MRPL42: variants seen among roughly 807,000 people sequenced by gnomAD.
The protein encoded by MRPL42 is mitochondrial ribosomal protein L42, also known as large ribosomal subunit protein mL42.
Under a neutral mutation model 17.9 loss-of-function variants are expected in MRPL42, and 17 were observed. That is an observed-to-expected ratio of 0.95 (90% CI 0.65 to 1.42). The LOEUF (loss-of-function observed/expected upper bound fraction) is 1.42, where lower values mean the gene tolerates loss of function less well. MRPL42 is among the 40% of genes most tolerant of loss of function. The pLI is 0.00. For synonymous variants in MRPL42, 59 were observed against 54.4 expected (o/e 1.08, Z -0.37); for missense variants, 177 against 175.2 (o/e 1.01, Z -0.06).
At chr12:93,475,028 G>A (rs1243081343) in intron 2 of MRPL42, among the ~76,000 whole-genome samples, 2 of 152,154 alleles carry the variant, frequency 1.3e-5, no homozygotes, top group Non-Finnish European at 2.9e-5. Context: ...GGGAGGCGGA[G>A]GTTGCAATGA....
In MRPL42 at chr12:93,508,671, G is replaced by A. The variant is rs1386884626; in HGVS notation, c.*7450G>A. The A allele has an allele frequency of 1.3e-5, 2 of 151,998 alleles. No individual in the cohort carries two copies. The highest frequency in any genetic ancestry group is 6.6e-5 in the Admixed American group (1 of 15,246). 9.4% of individuals were successfully genotyped at this position (151,998 alleles called of 1,614,324 possible). A position where few individuals can be genotyped will look rare whatever the true frequency, so the allele number is the denominator to read the frequency against. On this transcript the variant is annotated 3_prime_UTR_variant, in exon 6 of 6. Transcript: ENST00000549982. Reference sequence around the variant, plus strand: ...CATGTCTCCACAGGACAATGCACATGGTATGTTTGTCAGAACCCAGTTGGA... The same window carrying A: ...CATGTCTCCACAGGACAATGCACATAGTATGTTTGTCAGAACCCAGTTGGA...
rs957641700 is a variant in MRPL42, at chr12:93,510,469, C to T, written c.*9248C>T. The T allele has an allele frequency of 6.6e-6, 1 of 152,186 alleles. No individual in the cohort carries two copies. Among genetic ancestry groups the T allele is most frequent in the East Asian group, 1.9e-4 (1 of 5,200 alleles). 9.4% of individuals were successfully genotyped at this position (152,186 alleles called of 1,614,324 possible). A position where few individuals can be genotyped will look rare whatever the true frequency, so the allele number is the denominator to read the frequency against. Reference sequence around the variant, plus strand: ...TCCTTTGGGTAAATACCAAAGAGCACAATTGTTGGATTGAATGCTAAGAGA... The same window carrying T: ...TCCTTTGGGTAAATACCAAAGAGCATAATTGTTGGATTGAATGCTAAGAGA... On this transcript the variant is annotated 3_prime_UTR_variant, in exon 6 of 6. Coordinates refer to ENST00000549982, the MANE Select transcript of MRPL42 (RefSeq NM_014050.4).
chr12:93,508,468 G>A lies in MRPL42; in HGVS notation c.*7247G>A, dbSNP rs1953693922. The A allele has an allele frequency of 6.6e-6, 1 of 152,284 alleles. No homozygotes were observed. Among genetic ancestry groups the A allele is most frequent in the South Asian group, 2.1e-4 (1 of 4,834 alleles). 9.4% of individuals were successfully genotyped at this position (152,284 alleles called of 1,614,324 possible). A position where few individuals can be genotyped will look rare whatever the true frequency, so the allele number is the denominator to read the frequency against. On this transcript the variant is annotated 3_prime_UTR_variant, in exon 6 of 6. Coordinates refer to ENST00000549982, the MANE Select transcript of MRPL42 (RefSeq NM_014050.4). ...AAAGTGCAAGATTGGAAGCTTCGAG[G>A]CTTCTTGAGGCCTAGTCTCAGAACT...
chr12:93,511,752 G>T lies in MRPL42; in HGVS notation c.*10531G>T, dbSNP rs190874710. Reference sequence around the variant, plus strand: ...ACAGCTAACTCTAAACAACAGTAAAGTGTGGAATAAATTACTTTGTTAATT... The same window carrying T: ...ACAGCTAACTCTAAACAACAGTAAATTGTGGAATAAATTACTTTGTTAATT... On this transcript the variant is annotated 3_prime_UTR_variant, in exon 6 of 6. Coordinates refer to ENST00000549982, the MANE Select transcript of MRPL42 (RefSeq NM_014050.4). 6.6e-6 allele frequency: 1 copy of T among 152,198 alleles called. No homozygotes were observed. Among genetic ancestry groups the T allele is most frequent in the African/African-American group, 2.4e-5 (1 of 41,454 alleles). The allele number at this position is 152,198 out of a possible 1,614,324, so 9.4% of individuals were successfully genotyped here.
At chr12:93,473,519 C>T (rs140361948) in intron 2 of MRPL42, among the ~76,000 whole-genome samples, 1,589 of 152,256 alleles carry the variant, frequency 0.01, 43 homozygotes, top group East Asian at 0.096. Flanking sequence ...GCAACCTCCG[C>T]CTCCCAGATT....
At chr12:93,483,350 T>G (rs908133735) in intron 4 of MRPL42, among the ~76,000 whole-genome samples, 1 of 152,220 alleles carries the variant, frequency 6.6e-6, no homozygotes, top group African/African-American at 2.4e-5. Flanking sequence ...CATTGTTACG[T>G]GAACATCATA....
At chr12:93,468,196 C>A (rs1879733393) in intron 1 of MRPL42, among the ~76,000 whole-genome samples, 1 of 152,160 alleles carries the variant, frequency 6.6e-6, no homozygotes, top group Non-Finnish European at 1.5e-5. Flanking sequence ...AAAAGCACAC[C>A]TATGAGCTCA....
chr12:93,515,199 T>C lies in MRPL42; in HGVS notation c.*13978T>C, dbSNP rs1342406711. Reference sequence around the variant, plus strand: ...CTTCACTCTGGCTACAGGGAGACCATGGAGGATGGGCTGGAACGGAAGCAC... The same window carrying C: ...CTTCACTCTGGCTACAGGGAGACCACGGAGGATGGGCTGGAACGGAAGCAC... On this transcript the variant is annotated 3_prime_UTR_variant, in exon 6 of 6. Coordinates refer to ENST00000549982, the MANE Select transcript of MRPL42 (RefSeq NM_014050.4). 2.6e-5 allele frequency: 4 copies of C among 152,062 alleles called. No homozygotes were observed. The highest frequency in any genetic ancestry group is 5.9e-5 in the Non-Finnish European group (4 of 68,016). The allele number at this position is 152,062 out of a possible 1,614,324, so 9.4% of individuals were successfully genotyped here. A position where few individuals can be genotyped will look rare whatever the true frequency, so the allele number is the denominator to read the frequency against.
rs1953739410 is a variant in MRPL42 at position 93,513,083 on chromosome 12, G to A, written c.*11862G>A. ...ATATTTTTTAAAAACCATGGAAACAGTTTAGATATACATCAATCCATGAAA... is the reference window on the plus strand; with the variant it reads ...ATATTTTTTAAAAACCATGGAAACAATTTAGATATACATCAATCCATGAAA... On this transcript the variant is annotated 3_prime_UTR_variant, in exon 6 of 6. Transcript: ENST00000549982. The A allele has an allele frequency of 6.6e-6, 1 of 150,408 alleles. No homozygotes were observed. The highest frequency in any genetic ancestry group is 1.5e-5 in the Non-Finnish European group (1 of 67,760). 9.3% of individuals were successfully genotyped at this position (150,408 alleles called of 1,614,324 possible). A position where few individuals can be genotyped will look rare whatever the true frequency, so the allele number is the denominator to read the frequency against.
intron 2 of MRPL42, among the ~76,000 whole-genome samples, chr12:93,471,201 G>A (rs1191004388): frequency 6.6e-6 from 1 of 151,978 alleles, no homozygotes; most frequent in African/African-American, 2.4e-5. Context: ...ACTGGATCTT[G>A]CTCCCAGGCT....
chr12:93,496,287 G>A (rs149606654), intron 5 of MRPL42, among the ~76,000 whole-genome samples: 7,165 of 152,028 alleles, frequency 0.047, 234 homozygotes, highest in South Asian at 0.14. Flanking sequence ...TTGAACTCCT[G>A]ACCTCAAGCG....
rs1953593848 is a variant in MRPL42 at position 93,501,450 on chromosome 12, C to T, written c.*229C>T. On this transcript the variant is annotated 3_prime_UTR_variant, in exon 6 of 6. Coordinates refer to ENST00000549982, the MANE Select transcript of MRPL42 (RefSeq NM_014050.4). ...TTAGTGTTTCATTTATGTGCGGTCT[C>T]CAATTTAGGACTTTTCCATAGTGCC... The T allele has an allele frequency of 3.3e-6, 1 of 304,602 alleles. No individual in the cohort carries two copies. The highest frequency in any genetic ancestry group is 5.9e-6 in the Non-Finnish European group (1 of 168,312). The allele number at this position is 304,602 out of a possible 1,614,324, so 18.9% of individuals were successfully genotyped here.
In MRPL42 at chr12:93,514,984, T is replaced by C. The variant is rs996214471; in HGVS notation, c.*13763T>C. The C allele has an allele frequency of 2.6e-5, 4 of 152,198 alleles. No individual in the cohort carries two copies. The highest frequency in any genetic ancestry group is 6.5e-5 in the Admixed American group (1 of 15,276). The allele number at this position is 152,198 out of a possible 1,614,324, so 9.4% of individuals were successfully genotyped here. On this transcript the variant is annotated 3_prime_UTR_variant, in exon 6 of 6. Coordinates refer to ENST00000549982, the MANE Select transcript of MRPL42 (RefSeq NM_014050.4). ...TTAAGAGGGAATCAGGATATCAAAA[T>C]AGTCTCCAAACTCAGCTGATTCCTT...
At chr12:93,468,667 T>C (rs1879757215) in intron 1 of MRPL42, among the ~76,000 whole-genome samples, 1 of 152,188 alleles carries the variant, frequency 6.6e-6, no homozygotes, top group Admixed American at 6.5e-5. Context: ...CTTGAGGGCA[T>C]TTATGAGTTC....
chr12:93,487,713 A>G (rs1463522730), intron 5 of MRPL42, 53 bp downstream of exon 5: 10 of 1,428,172 alleles, frequency 7.0e-6, no homozygotes, highest in Non-Finnish European at 9.4e-6. Context: ...AAAGGAACAC[A>G]TGGATTTTCT....
At chr12:93,482,053 T>A (rs951258002) in intron 4 of MRPL42, among the ~76,000 whole-genome samples, 3 of 152,190 alleles carry the variant, frequency 2.0e-5, no homozygotes, top group Non-Finnish European at 2.9e-5. Context: ...CTCTCTAGTT[T>A]AGGTAAGTAA....
At chr12:93,483,035 C>T (rs930917559) in intron 4 of MRPL42, among the ~76,000 whole-genome samples, 1 of 152,156 alleles carries the variant, frequency 6.6e-6, no homozygotes, top group East Asian at 1.9e-4. Flanking sequence ...GCTGGGATTA[C>T]AGGCACTCGT....
rs1394480116 is a variant in MRPL42, at chr12:93,505,776, C to T, written c.*4555C>T. ...CATAGCATATCCTTCTGCAGAAATG[C>T]TTCACAGCCATGACTGCTTGAATTC... On this transcript the variant is annotated 3_prime_UTR_variant, in exon 6 of 6. Coordinates refer to ENST00000549982, the MANE Select transcript of MRPL42 (RefSeq NM_014050.4). 1 of 152,158 alleles carries T rather than the reference C, an allele frequency of 6.6e-6. No individual in the cohort carries two copies. Among genetic ancestry groups the T allele is most frequent in the Non-Finnish European group, 1.5e-5 (1 of 68,044 alleles). The allele number at this position is 152,158 out of a possible 1,614,324, so 9.4% of individuals were successfully genotyped here.
Position 93,487,522 on chromosome 12 carries a change from A to G in MRPL42, c.245A>G (p.His82Arg), listed in dbSNP as rs771409155. Residue 82 changes from histidine (H) to arginine (R), a missense_variant, in exon 5 of 6, where the codon CAT (histidine) becomes CGT (arginine). Physicochemically the swap from His to Arg is conservative, Grantham distance 29. Coordinates refer to ENST00000549982, the MANE Select transcript of MRPL42 (RefSeq NM_014050.4). Reference sequence around the variant, plus strand: ...CCTATCCCTCGGCCAGATCCTGTGCATAATAATGAAGAAACACATGATCAA... The same window carrying G: ...CCTATCCCTCGGCCAGATCCTGTGCGTAATAATGAAGAAACACATGATCAA... ...TKPIPRPDPV[H>R]NNEETHDQVL... 48 of 1,613,698 alleles carry G rather than the reference A, an allele frequency of 3.0e-5. No individual in the cohort carries two copies. The highest frequency in any genetic ancestry group is 2.8e-4 in the Admixed American group (17 of 59,970).
Sources: gnomAD v4.1 joint callset for allele counts (sites outside exome capture counted in the v4.1 genomes callset) on GRCh38, gnomAD v4.1.1 for gene constraint, MANE v1.5 for transcripts, NCBI Gene and HGNC (gene_info 2026-07-23, HGNC 2026-07-21) for gene names.